TMPRSS9: variants seen among roughly 807,000 people sequenced by gnomAD.
TMPRSS9 encodes the protein transmembrane serine protease 9.
TMPRSS9 carries 113 observed loss-of-function variants against 111.4 expected under a neutral mutation model. The observed-to-expected ratio is 1.01, with a 90% CI of 0.87 to 1.19. TMPRSS9 has a LOEUF of 1.19. TMPRSS9 is among the 50% of genes most tolerant of loss of function. The probability of loss-of-function intolerance (pLI) is 0.00; values close to 1 mark genes in which losing one functional copy is unlikely to be tolerated. For missense variants in TMPRSS9, 1,803 were observed against 1,513.1 expected, an observed-to-expected ratio of 1.19 and a Z score of -3.18; for synonymous variants, 805 against 659.1, an observed-to-expected ratio of 1.22 and a Z score of -3.39.
In TMPRSS9 at chr19:2,400,339, C is replaced by T. The variant is rs770545812; in HGVS notation, c.514+1146C>T. On this transcript the variant is annotated intron_variant, in intron 4 of 17. Coordinates refer to ENST00000648592, the Ensembl canonical transcript of TMPRSS9. ...GGCTGATCACTTCAGATCAGGAGTT[C>T]GAGACCAGCCTGGCCAACATGGCGA... Among the ~76,000 whole-genome samples the T allele has an allele frequency of 6.6e-5, 10 of 151,306 alleles. No homozygotes were observed. In the South Asian group the frequency reaches 8.4e-4, roughly 13 times the overall value.
At position 2,415,812 on chromosome 19, in the gene TMPRSS9, GCTGCTGT is replaced by G; in HGVS notation, c.1721_1727del (p.Leu574ProfsTer30). The stretch of plus-strand genomic sequence containing the variant: ...GAGCAACTGTGGTGGGGGACCGCTG[GCTGCTGT>G]CTGCCGCCCACTGCTTCAACCAGTA... On this transcript the variant is annotated frameshift_variant, in exon 11 of 18. Coordinates refer to ENST00000648592, the Ensembl canonical transcript of TMPRSS9. LOFTEE classifies it high-confidence loss of function. 6.2e-7 allele frequency: 1 copy of G among 1,601,518 alleles called. No individual in the cohort carries two copies. Among genetic ancestry groups the G allele is most frequent in the Admixed American group, 1.7e-5 (1 of 59,210 alleles).
downstream of TMPRSS9, chr19:2,426,239 A>AGGTCATGGGGATGCATT (rs1555682003): frequency 2.4e-4 from 210 of 864,578 alleles, 1 homozygote; most frequent in South Asian, 3.2e-4. Context: ...CTTTGTTCCA[A>AGGTCATGGGGATGCATT]TAAACACAGC....
chr19:2,415,815 G>A (rs1599309276), exon 11 of TMPRSS9: 1 of 1,600,522 alleles, frequency 6.2e-7, no homozygotes, highest in Non-Finnish European at 8.5e-7. Flanking sequence ...ACCGCTGGCT[G>A]CTGTCTGCCG....
Position 2,424,375 on chromosome 19 carries a change from G to A in TMPRSS9, c.2717+118G>A. 4.7e-6 allele frequency: 5 copies of A among 1,053,394 alleles called. No individual in the cohort carries two copies. The South Asian group carries it at 1.2e-4, about 26-fold the overall frequency. The allele number at this position is 1,053,394 out of a possible 1,614,324, so 65.3% of individuals were successfully genotyped here. On this transcript the variant is annotated intron_variant, in intron 15 of 17. Transcript: ENST00000648592. ...TGCCGGGAGTGCCCTCCCCAACCCC[G>A]GCTCCCACTGCCCCAGGCCACTCCT...
intron 1 of TMPRSS9, among the ~76,000 whole-genome samples, chr19:2,366,728 G>A (rs1863704023): frequency 6.6e-6 from 1 of 151,752 alleles, no homozygotes. Flanking sequence ...GTGGTGGCGG[G>A]CACCTGTAGT....
chr19:2,361,252 A>C (rs965018230), intron 1 of TMPRSS9, among the ~76,000 whole-genome samples: 2 of 25,778 alleles, frequency 7.8e-5, no homozygotes, highest in African/African-American at 1.8e-4. Context: ...GGGCTGGGGT[A>C]GGGTGCAGGG....
chr19:2,384,366 C>T (rs1970427989), intron 1 of TMPRSS9, among the ~76,000 whole-genome samples: 1 of 152,162 alleles, frequency 6.6e-6, no homozygotes, highest in South Asian at 2.1e-4. Context: ...CTTGGGGTCT[C>T]ACGAGAGTAA....
At position 2,393,788 on chromosome 19, in the gene TMPRSS9, C is replaced by T. The variant is rs558575300; in HGVS notation, c.143-2751C>T. On this transcript the variant is annotated intron_variant, in intron 1 of 17. Coordinates refer to ENST00000648592, the Ensembl canonical transcript of TMPRSS9. ...TGGTACGCGCCTGTAATCCCAGCTACTCAGGAGGCTGAGGTTGGAGAATTG... is the reference window on the plus strand; with the variant it reads ...TGGTACGCGCCTGTAATCCCAGCTATTCAGGAGGCTGAGGTTGGAGAATTG... Among the ~76,000 whole-genome samples, 537 of 149,656 alleles carry T rather than the reference C, an allele frequency of 3.6e-3. 1 individual carries two copies. Among genetic ancestry groups the T allele is most frequent in the Non-Finnish European group, 6.5e-3 (437 of 67,680 alleles).
chr19:2,371,724 AAC>A (rs58530900), intron 1 of TMPRSS9, among the ~76,000 whole-genome samples: 9,766 of 146,370 alleles, frequency 0.067, 515 homozygotes, highest in East Asian at 0.26. Flanking sequence ...AAAAAAAAAA[AAC>A]AAAACTAGAA....
chr19:2,364,947 C>A (rs891471930), intron 1 of TMPRSS9, among the ~76,000 whole-genome samples: 5 of 151,244 alleles, frequency 3.3e-5, no homozygotes, highest in African/African-American at 4.9e-5. Flanking sequence ...CCACTGCACT[C>A]CAGCCTGGGC....
chr19:2,374,404 C>G lies in TMPRSS9; in HGVS notation c.-26+14044C>G, dbSNP rs986135393. Among the ~76,000 whole-genome samples, 3 of 150,756 alleles carry G rather than the reference C, an allele frequency of 2.0e-5. No homozygotes were observed. In the South Asian group the frequency reaches 6.3e-4, roughly 32 times the overall value. On this transcript the variant is annotated intron_variant, in intron 1 of 17. Coordinates refer to the TMPRSS9 transcript ENST00000649857. Reference sequence around the variant, plus strand: ...CCTGACCAATATGGTGAAACCCCGTCTCTACTAAAAAATACAAAAATTAGC... The same window carrying G: ...CCTGACCAATATGGTGAAACCCCGTGTCTACTAAAAAATACAAAAATTAGC...
upstream of TMPRSS9, among the ~76,000 whole-genome samples, chr19:2,388,530 G>A (rs889568130): frequency 1.3e-5 from 2 of 152,220 alleles, no homozygotes; most frequent in Non-Finnish European, 2.9e-5. Flanking sequence ...GCCCCCAGAA[G>A]GGCCCAGGCC....
intron 2 of TMPRSS9, among the ~76,000 whole-genome samples, chr19:2,397,393 C>T (rs568131896): frequency 3.9e-5 from 6 of 152,032 alleles, no homozygotes; most frequent in South Asian, 4.2e-4. Flanking sequence ...CGGGTTCAAG[C>T]GATTCTCCTG....
intron 1 of TMPRSS9, among the ~76,000 whole-genome samples, chr19:2,361,167 G>A (rs1431943539): frequency 6.8e-5 from 6 of 87,942 alleles, no homozygotes; most frequent in South Asian, 1.0e-3. Flanking sequence ...AGGTGAGTCT[G>A]GGGTGTGGTG....
intron 7 of TMPRSS9, among the ~76,000 whole-genome samples, chr19:2,406,502 T>G (rs1970973215): frequency 6.6e-6 from 1 of 151,158 alleles, no homozygotes; most frequent in Non-Finnish European, 1.5e-5. Context: ...AATTTTTTTT[T>G]TTTTGTATAA....
intron 2 of TMPRSS9, among the ~76,000 whole-genome samples, chr19:2,397,325 C>G (rs966095629): frequency 3.3e-5 from 5 of 151,950 alleles, no homozygotes; most frequent in Non-Finnish European, 7.4e-5. Flanking sequence ...GAGTCTTGCT[C>G]TGTTGTCCAG....
intron 9 of TMPRSS9, among the ~76,000 whole-genome samples, chr19:2,410,930 T>C (rs1337657710): frequency 1.3e-5 from 2 of 151,736 alleles, no homozygotes; most frequent in African/African-American, 4.8e-5. Context: ...ATGGGAAGGG[T>C]TGGTCTATGG....
At chr19:2,402,947 CAAGGAA>C in intron 5 of TMPRSS9, 129 bp from the exon 7 acceptor site, 1 of 674,556 alleles carries the variant, frequency 1.5e-6, no homozygotes, top group Non-Finnish European at 2.6e-6. Flanking sequence ...AAAATAAAAA[CAAGGAA>C]AAGGAAAGAA....
chr19:2,391,930 T>TG (rs1970606779), intron 1 of TMPRSS9, among the ~76,000 whole-genome samples: 1 of 151,866 alleles, frequency 6.6e-6, no homozygotes, highest in Non-Finnish European at 1.5e-5. Flanking sequence ...TTAGTAGAGA[T>TG]AGGGTTTTGC....
Sources: allele counts gnomAD v4.1 joint callset (sites outside exome capture counted in the v4.1 genomes callset), GRCh38; gene constraint gnomAD v4.1.1; transcripts MANE v1.5; gene names NCBI Gene and HGNC (gene_info 2026-07-23, HGNC 2026-07-21).